The following DNAH12 variants were observed in gnomAD, a reference collection of about 807,000 sequenced individuals.
The protein encoded by DNAH12 is dynein axonemal heavy chain 12, also known as axonemal beta dynein heavy chain 12.
A neutral mutation model predicts 371.5 loss-of-function variants in DNAH12; 285 were observed. The ratio of observed to expected loss-of-function variants is 0.77; its 90% confidence interval spans 0.70 to 0.85. DNAH12 has a LOEUF of 0.85. DNAH12 is among the 40% of genes least tolerant of loss of function. DNAH12 has a pLI of 0.00. For synonymous variants in DNAH12, 1,200 were observed against 1,213.0 expected, an observed-to-expected ratio of 0.99 and a Z score of 0.22; for missense variants, 3,611 against 3,689.4, an observed-to-expected ratio of 0.98 and a Z score of 0.55.
rs1575730854 is a variant in DNAH12 at position 57,523,937 on chromosome 3, C to T, written c.171-53G>A. The T allele has an allele frequency of 6.2e-6, 8 of 1,280,952 alleles. No individual in the cohort carries two copies. In the Admixed American group the frequency reaches 1.8e-4, roughly 29 times the overall value. The allele number at this position is 1,280,952 out of a possible 1,614,324, so 79.3% of individuals were successfully genotyped here. The stretch of plus-strand genomic sequence containing the variant: ...CTCTTGATAACATTAGCATAAGTTA[C>T]TAAAACATTACAATTTAAGCATTTT... On this transcript the variant is annotated intron_variant, in intron 2 of 73. Coordinates refer to ENST00000495027, the MANE Select transcript of DNAH12 (RefSeq NM_001366028.2).
rs902442830 is a variant in DNAH12, at chr3:57,300,027, G to C, written c.11394+1708C>G. ...ACATCTTGTTTCCAAATACCTTGCTGTGCCTGTAGCCCGAGCAGCACCACC... is the reference window on the plus strand; with the variant it reads ...ACATCTTGTTTCCAAATACCTTGCTCTGCCTGTAGCCCGAGCAGCACCACC... On this transcript the variant is annotated intron_variant, in intron 70 of 73. Transcript: ENST00000495027. Among the ~76,000 whole-genome samples, 10 of 152,238 alleles carry C rather than the reference G, an allele frequency of 6.6e-5. 1 individual carries two copies. In the South Asian group the frequency reaches 2.1e-3, roughly 32 times the overall value.
At chr3:57,428,534 G>T in intron 34 of DNAH12, 99 bp downstream of exon 34, 1 of 1,516,000 alleles carries the variant, frequency 6.6e-7, no homozygotes. Context: ...AGGACAAACT[G>T]GTTTTAGTTA....
chr3:57,313,726 G>A (rs1458088179), intron 66 of DNAH12, among the ~76,000 whole-genome samples: 1 of 152,134 alleles, frequency 6.6e-6, no homozygotes, highest in Admixed American at 6.5e-5. Context: ...AGGATTGCTT[G>A]AACTCAGGAG....
chr3:57,540,346 TTG>T, intron 2 of DNAH12, among the ~76,000 whole-genome samples: 1 of 152,188 alleles, frequency 6.6e-6, no homozygotes, highest in Non-Finnish European at 1.5e-5. Context: ...CCACCGTCTG[TTG>T]TGTTTTCTAT....
intron 37 of DNAH12, among the ~76,000 whole-genome samples, chr3:57,416,359 T>A (rs2064375881): frequency 6.6e-6 from 1 of 152,194 alleles, no homozygotes; most frequent in African/African-American, 2.4e-5. Context: ...CCCAAAGCAC[T>A]GGGATTACAG....
At position 57,529,372 on chromosome 3, in the gene DNAH12, C is replaced by CT. The variant is rs147645592; in HGVS notation, c.171-5489dup. Among the ~76,000 whole-genome samples the CT allele has an allele frequency of 6.9e-3, 1,052 of 152,052 alleles. 14 individuals are homozygous for CT. The highest frequency in any genetic ancestry group is 0.024 in the African/African-American group (978 of 41,464). The stretch of plus-strand genomic sequence containing the variant: ...AGCAGTGAAGCCATAAGGGCCTGGG[C>CT]TTTTTTTGCTGGAAGACGTTTTATT... On this transcript the variant is annotated intron_variant, in intron 2 of 73. Coordinates refer to ENST00000495027, the MANE Select transcript of DNAH12 (RefSeq NM_001366028.2).
chr3:57,448,515 G>A (rs760700071), intron 25 of DNAH12, among the ~76,000 whole-genome samples: 2 of 143,900 alleles, frequency 1.4e-5, no homozygotes, highest in Non-Finnish European at 3.1e-5. Context: ...GGTCTTCGCA[G>A]TGAGTGTGAC....
At chr3:57,539,414 A>G (rs2069178977) in intron 2 of DNAH12, among the ~76,000 whole-genome samples, 1 of 152,142 alleles carries the variant, frequency 6.6e-6, no homozygotes, top group African/African-American at 2.4e-5. Flanking sequence ...GTCAGTTCCT[A>G]GAATGTACTG....
chr3:57,482,795 C>T (rs1429546747), intron 13 of DNAH12, among the ~76,000 whole-genome samples: 4 of 151,666 alleles, frequency 2.6e-5, no homozygotes, highest in Non-Finnish European at 5.9e-5. Flanking sequence ...AGCTGGAAAC[C>T]ATCATTCTCA....
intron 34 of DNAH12, among the ~76,000 whole-genome samples, chr3:57,427,294 A>G (rs1434110833): frequency 2.0e-5 from 3 of 152,060 alleles, no homozygotes; most frequent in African/African-American, 7.2e-5. Flanking sequence ...ATTAAGTTAA[A>G]AATCTCAGGA....
chr3:57,411,387 GC>G lies in DNAH12; in HGVS notation c.6020+2358del, dbSNP rs368696497. Among the ~76,000 whole-genome samples, 153 of 151,694 alleles carry G rather than the reference GC, an allele frequency of 1.0e-3. 2 individuals carry two copies. Among genetic ancestry groups the G allele is most frequent in the African/African-American group, 3.5e-3 (144 of 41,484 alleles). ...TACTAAAAACACAAAAATTAGTTGGGCATGGTGGCACATGCCTGTAATCCCA... is the reference window on the plus strand; with the variant it reads ...TACTAAAAACACAAAAATTAGTTGGGATGGTGGCACATGCCTGTAATCCCA... On this transcript the variant is annotated intron_variant, in intron 39 of 73. Transcript: ENST00000495027.
At chr3:57,526,063 T>C (rs6445907) in intron 2 of DNAH12, among the ~76,000 whole-genome samples, 103,597 of 151,888 alleles carry the variant, frequency 0.68, 35,599 homozygotes, top group African/African-American at 0.71. Context: ...GTGCCTGGCC[T>C]TTTTTCTTTT....
chr3:57,537,486 A>C (rs748034281), intron 2 of DNAH12, among the ~76,000 whole-genome samples: 1 of 151,650 alleles, frequency 6.6e-6, no homozygotes, highest in Admixed American at 6.6e-5. Context: ...TTTACATCCT[A>C]CCTCACCCCA....
intron 60 of DNAH12, among the ~76,000 whole-genome samples, chr3:57,341,591 A>AT (rs1260483646): frequency 6.6e-6 from 1 of 152,100 alleles, no homozygotes; most frequent in Non-Finnish European, 1.5e-5. Context: ...AAAAACAATG[A>AT]TTTTTTGAAA....
intron 15 of DNAH12, 26 bp from the exon 16 acceptor site, chr3:57,470,662 T>TA (rs532888044): frequency 2.6e-5 from 38 of 1,485,882 alleles, no homozygotes; most frequent in South Asian, 4.0e-5. Context: ...TTTTTTGTCT[T>TA]AAAAAAAATT....
At chr3:57,425,750 G>T (rs1423954997) in intron 34 of DNAH12, among the ~76,000 whole-genome samples, 2 of 151,698 alleles carry the variant, frequency 1.3e-5, no homozygotes, top group Non-Finnish European at 2.9e-5. Context: ...AATAAACAGT[G>T]TTCTAAGGAT....
chr3:57,407,920 G>A (rs535975707), intron 40 of DNAH12, among the ~76,000 whole-genome samples: 5 of 152,222 alleles, frequency 3.3e-5, no homozygotes, highest in East Asian at 1.9e-4. Flanking sequence ...GAGAAAAAAC[G>A]ACAAGTACCA....
intron 25 of DNAH12, among the ~76,000 whole-genome samples, chr3:57,448,502 G>A (rs1427082028): frequency 1.3e-5 from 2 of 151,638 alleles, no homozygotes; most frequent in African/African-American, 2.4e-5. Flanking sequence ...GAGTGAAGCT[G>A]TAGGTCTTCG....
intron 53 of DNAH12, among the ~76,000 whole-genome samples, chr3:57,376,325 CTG>C (rs1441291823): frequency 6.6e-6 from 1 of 151,834 alleles, no homozygotes; most frequent in Non-Finnish European, 1.5e-5. Context: ...TATTGTTAGA[CTG>C]TAAAACATAC....
Sources: allele counts gnomAD v4.1 joint callset (sites outside exome capture counted in the v4.1 genomes callset), GRCh38; gene constraint gnomAD v4.1.1; transcripts MANE v1.5; gene names NCBI Gene and HGNC (gene_info 2026-07-23, HGNC 2026-07-21).